The following GRIK5 variants were observed in gnomAD, a reference collection of about 807,000 sequenced individuals.
The protein encoded by GRIK5 is glutamate ionotropic receptor kainate type subunit 5, also known as glutamate receptor ionotropic, kainate 5.
In GRIK5, 43 loss-of-function variants were observed where a neutral mutation model predicts 97.4. The ratio of observed to expected loss-of-function variants is 0.44; its 90% CI spans 0.35 to 0.57. GRIK5 has a LOEUF of 0.57. Among genes scored for constraint, GRIK5 ranks in the 20% least tolerant of loss-of-function variants. GRIK5 has a pLI of 0.01. For synonymous variants in GRIK5, 580 were observed against 583.5 expected (o/e 0.99, Z 0.09); for missense variants, 1,015 against 1,382.0 (o/e 0.73, Z 4.21).
rs782033578 is a variant in GRIK5 at position 42,006,720 on chromosome 19, C to A, written c.1962G>T (p.Ser654=). The change falls in exon 16 of 20, where the codon TCG becomes TCT. Residue 654 remains serine (S), a synonymous_variant. Transcript: ENST00000593562. The surrounding 1 kb of genome is among the most constrained non-coding windows in gnomAD (Gnocchi z 5.3). ...TVQRMEVPVE[S]ADDLADQTNI... The stretch of plus-strand genomic sequence containing the variant: ...TGGTCTGATCTGCCAGGTCATCGGC[C>A]GACTCCACAGGCACCTCCATGCGCT... The A allele has an allele frequency of 3.1e-6, 5 of 1,613,902 alleles. No individual in the cohort carries two copies.
At chr19:42,026,402 C>G (rs922520990) in intron 12 of GRIK5, among the ~76,000 whole-genome samples, 1 of 149,932 alleles carries the variant, frequency 6.7e-6, no homozygotes, top group Admixed American at 6.6e-5. Context: ...GGACTACAGG[C>G]AGATGCCACC....
intron 5 of GRIK5, among the ~76,000 whole-genome samples, chr19:42,061,785 T>C (rs566075119): frequency 1.3e-5 from 2 of 152,276 alleles, no homozygotes; most frequent in East Asian, 1.9e-4. Flanking sequence ...ACTTGTCTCC[T>C]TGCCACCCCT....
rs754887703 is a variant in GRIK5, at chr19:42,062,800, T to C, written c.300A>G (p.Pro100=). ...TATGGCTCACGGTGGAGGCAGATGC[T>C]GGGCTAGAGGAGGGCCCAAGGACAG... ...VVSVLGPSSS[P]ASASTVSHIC... The change falls in exon 4 of 20, where the codon CCA becomes CCG. Residue 100 remains proline, a synonymous_variant. Transcript: ENST00000593562. The surrounding 1 kb of genome is among the most constrained non-coding windows in gnomAD (Gnocchi z 5.3). 9.3e-6 allele frequency: 15 copies of C among 1,613,954 alleles called. No homozygotes were observed. In the Admixed American group the frequency reaches 2.3e-4, roughly 25 times the overall value.
intron 12 of GRIK5, among the ~76,000 whole-genome samples, chr19:42,034,667 C>T (rs1314816085): frequency 6.6e-6 from 1 of 152,162 alleles, no homozygotes; most frequent in Non-Finnish European, 1.5e-5. Flanking sequence ...TCATAAAACC[C>T]TCCCTGGTGG....
At chr19:42,039,571 C>T (rs1275081885) in intron 12 of GRIK5, among the ~76,000 whole-genome samples, 1 of 152,234 alleles carries the variant, frequency 6.6e-6, no homozygotes, top group Non-Finnish European at 1.5e-5. Flanking sequence ...GCACATCGGG[C>T]TTGTTCACCA....
At chr19:42,058,550 G>A (rs373078009) in intron 6 of GRIK5, among the ~76,000 whole-genome samples, 7 of 150,108 alleles carry the variant, frequency 4.7e-5, no homozygotes, top group East Asian at 3.9e-4. Flanking sequence ...GTTATTGGCC[G>A]GGTGTGGTGG....
At chr19:42,011,445 C>T (rs1452105139) in intron 15 of GRIK5, among the ~76,000 whole-genome samples, 3 of 150,204 alleles carry the variant, frequency 2.0e-5, no homozygotes, top group African/African-American at 2.5e-5. Flanking sequence ...CCCAGCTACT[C>T]GGGAGGCTGA....
chr19:42,044,257 A>C (rs2076016080), intron 11 of GRIK5, among the ~76,000 whole-genome samples: 1 of 152,154 alleles, frequency 6.6e-6, no homozygotes, highest in Non-Finnish European at 1.5e-5. Flanking sequence ...TCTTTCCTTC[A>C]TAAATTACCG....
chr19:42,044,972 G>C (rs1367403609), intron 11 of GRIK5, among the ~76,000 whole-genome samples: 1 of 152,180 alleles, frequency 6.6e-6, no homozygotes, highest in African/African-American at 2.4e-5. Context: ...ACTGGTTATT[G>C]TGTATTGAGA....
chr19:42,056,526 G>A, intron 8 of GRIK5, 136 bp downstream of exon 8: 1 of 682,484 alleles, frequency 1.5e-6, no homozygotes. Context: ...TGGGTCCAAT[G>A]CATCACAAGG....
Position 42,002,495 on chromosome 19 carries a change from T to C in GRIK5, c.2514+837A>G, listed in dbSNP as rs557550492. 1.8e-5 allele frequency: 13 copies of C among 715,592 alleles called. No individual in the cohort carries two copies. The South Asian group carries it at 1.9e-4, about 11-fold the overall frequency. The allele number at this position is 715,592 out of a possible 1,614,324, so 44.3% of individuals were successfully genotyped here. A position where few individuals can be genotyped will look rare whatever the true frequency, so the allele number is the denominator to read the frequency against. ...AGCATGGACGGCTCCTTCAGAGGAG[T>C]CCTTGGGCCAAGTGCAGAACACTGG... is the stretch of plus-strand genomic sequence containing the variant. On this transcript the variant is annotated intron_variant, in intron 19 of 19. Transcript: ENST00000593562. The surrounding 1 kb of genome is among the most constrained non-coding windows in gnomAD (Gnocchi z 5.2).
At position 42,065,679 on chromosome 19, in the gene GRIK5, G is replaced by A. The variant is rs759781189; in HGVS notation, c.79+13C>T. ...GCCTGAGGATGCAGGGGCAGGGTGCGGGAGGGCCTCACCCATGCGCAGTGA... is the reference window on the plus strand; with the variant it reads ...GCCTGAGGATGCAGGGGCAGGGTGCAGGAGGGCCTCACCCATGCGCAGTGA... On this transcript the variant is annotated intron_variant, in intron 2 of 19. Coordinates refer to ENST00000593562, the MANE Select transcript of GRIK5 (RefSeq NM_002088.5). The surrounding 1 kb of genome is among the most constrained non-coding windows in gnomAD (Gnocchi z 5.8). 19 of 1,566,944 alleles carry A rather than the reference G, an allele frequency of 1.2e-5. No individual in the cohort carries two copies. The East Asian group carries it at 2.6e-4, about 22-fold the overall frequency.
Position 42,070,161 on chromosome 19 carries a change from C to T in GRIK5, c.-971G>A, listed in dbSNP as rs376727659. Among the ~76,000 whole-genome samples the T allele has an allele frequency of 8.3e-3, 1,256 of 152,112 alleles. 18 individuals are homozygous for T. Among genetic ancestry groups the T allele is most frequent in the African/African-American group, 0.028 (1,178 of 41,476 alleles). On this transcript the variant is annotated 5_prime_UTR_variant, in exon 1 of 20. Coordinates refer to ENST00000593562, the MANE Select transcript of GRIK5 (RefSeq NM_002088.5). ...CGCTCAGTCTCCCCTCCGAGGCCGCCGCCTGCCTGCCCGCCTGCCGCCTGC... is the reference window on the plus strand; with the variant it reads ...CGCTCAGTCTCCCCTCCGAGGCCGCTGCCTGCCTGCCCGCCTGCCGCCTGC...
intron 12 of GRIK5, among the ~76,000 whole-genome samples, chr19:42,023,404 T>C (rs893347715): frequency 3.9e-5 from 6 of 152,308 alleles, no homozygotes; most frequent in African/African-American, 1.4e-4. Flanking sequence ...CTTGCCACTT[T>C]TATGACTAAT....
chr19:42,056,517 G>A (rs2076186844), intron 8 of GRIK5, 145 bp downstream of exon 8: 1 of 652,790 alleles, frequency 1.5e-6, no homozygotes, highest in Admixed American at 2.7e-5. Flanking sequence ...AGGAGGACAT[G>A]GGTCCAATGC....
At chr19:42,038,119 C>T (rs1258256567) in intron 12 of GRIK5, among the ~76,000 whole-genome samples, 1 of 152,200 alleles carries the variant, frequency 6.6e-6, no homozygotes. Context: ...ACAGATCAGA[C>T]TCACACTGTA....
chr19:42,023,526 AGAGAGG>A (rs2075729266), intron 12 of GRIK5, among the ~76,000 whole-genome samples: 1 of 152,198 alleles, frequency 6.6e-6, no homozygotes, highest in African/African-American at 2.4e-5. Context: ...TCCTCATTTC[AGAGAGG>A]AGGAAGCAAT....
At chr19:42,032,895 T>G (rs923176896) in intron 12 of GRIK5, among the ~76,000 whole-genome samples, 1 of 152,210 alleles carries the variant, frequency 6.6e-6, no homozygotes, top group African/African-American at 2.4e-5. Flanking sequence ...GCCTCCTAAA[T>G]GGACCATTCA....
At chr19:42,053,496 C>A in intron 11 of GRIK5, 106 bp downstream of exon 11, 3 of 704,352 alleles carry the variant, frequency 4.3e-6, no homozygotes. Flanking sequence ...CCAGCCCCCA[C>A]TGGCCTATGC....
Sources: gnomAD v4.1 joint callset for allele counts (sites outside exome capture counted in the v4.1 genomes callset) on GRCh38, gnomAD v4.1.1 for gene constraint, Gnocchi (gnomAD v3.1) non-coding constraint, MANE v1.5 for transcripts, NCBI Gene and HGNC (gene_info 2026-07-23, HGNC 2026-07-21) for gene names.